The following CARMIL1 variants were observed in gnomAD, a reference collection of about 807,000 sequenced individuals.
CARMIL1 encodes the protein F-actin-uncapping protein LRRC16A.
A neutral mutation model predicts 177.1 loss-of-function variants in CARMIL1; 90 were observed. That is an observed-to-expected ratio of 0.51 (90% CI 0.43 to 0.61). The LOEUF (loss-of-function observed/expected upper bound fraction) is 0.61. Ranked by LOEUF, CARMIL1 falls within the 20% of genes least tolerant of loss-of-function variation. The pLI, the probability that CARMIL1 is intolerant of heterozygous loss-of-function variation, is 0.00. For missense variants in CARMIL1, 1,380 were observed against 1,667.0 expected (o/e 0.83, Z 3.00); for synonymous variants, 577 against 606.2 (o/e 0.95, Z 0.71).
At chr6:25,573,150 G>C (rs4711086) in intron 29 of CARMIL1, among the ~76,000 whole-genome samples, 124,366 of 152,054 alleles carry the variant, frequency 0.82, 51,227 homozygotes, top group East Asian at 0.95. Context: ...CCAAGGGGAG[G>C]AGGATGGGGA....
At chr6:25,493,357 T>A (rs1803406502) in intron 15 of CARMIL1, among the ~76,000 whole-genome samples, 1 of 152,190 alleles carries the variant, frequency 6.6e-6, no homozygotes, top group Non-Finnish European at 1.5e-5. Flanking sequence ...TGCATTTACG[T>A]TGAGGTGTGG....
At chr6:25,318,203 G>C (rs1390520467) in intron 2 of CARMIL1, among the ~76,000 whole-genome samples, 1 of 152,100 alleles carries the variant, frequency 6.6e-6, no homozygotes, top group Non-Finnish European at 1.5e-5. Context: ...GCGCACAGTG[G>C]GTTGGAAGGG....
At chr6:25,590,713 TTTATA>T (rs1308356674) in intron 31 of CARMIL1, among the ~76,000 whole-genome samples, 7 of 152,138 alleles carry the variant, frequency 4.6e-5, no homozygotes, top group African/African-American at 1.4e-4. Context: ...ATTTTGATAA[TTTATA>T]TATTTTTAAG....
At chr6:25,413,059 C>A (rs1028141999) in intron 2 of CARMIL1, among the ~76,000 whole-genome samples, 6 of 152,146 alleles carry the variant, frequency 3.9e-5, no homozygotes, top group African/African-American at 1.4e-4. Context: ...CTTCAGTTTT[C>A]TGGGTGACCT....
chr6:25,335,492 A>G lies in CARMIL1; in HGVS notation c.138+50583A>G, dbSNP rs1306903771. 3.9e-5 allele frequency among the ~76,000 whole-genome samples: 6 copies of G among 152,324 alleles called. No homozygotes were observed. The East Asian group carries it at 1.2e-3, about 29-fold the overall frequency. On this transcript the variant is annotated intron_variant, in intron 2 of 36. Coordinates refer to ENST00000329474, the MANE Select transcript of CARMIL1 (RefSeq NM_017640.6). ...AGATATATTTTCTGTGTATAGTTGT[A>G]CTGTTTTTAATCTCCTTGTGATTTT...
Position 25,554,679 on chromosome 6 carries a change from G to A in CARMIL1, c.2592+583G>A, listed in dbSNP as rs557828052. Among the ~76,000 whole-genome samples, 2 of 152,218 alleles carry A rather than the reference G, an allele frequency of 1.3e-5. No homozygotes were observed. Among genetic ancestry groups the A allele is most frequent in the African/African-American group, 4.8e-5 (2 of 41,524 alleles). On this transcript the variant is annotated intron_variant, in intron 28 of 36. Transcript: ENST00000329474. This position sits in a 1 kb window ranked among gnomAD's most constrained non-coding sequence, Gnocchi z 4.6. ...TGAAAAAATGTATCAGAAACTCAAT[G>A]TTGCGCAAACTTCAGGAAGTTCTCT...
At chr6:25,424,886 T>C (rs1394870534) in intron 3 of CARMIL1, among the ~76,000 whole-genome samples, 1 of 152,196 alleles carries the variant, frequency 6.6e-6, no homozygotes, top group Admixed American at 6.5e-5. Flanking sequence ...GTATGGCTTA[T>C]GCAGAAAGGC....
chr6:25,438,888 G>C (rs1797474190), intron 5 of CARMIL1, among the ~76,000 whole-genome samples: 1 of 151,966 alleles, frequency 6.6e-6, no homozygotes, highest in Non-Finnish European at 1.5e-5. Context: ...GAATGGACTG[G>C]TGGCAGAGCA....
chr6:25,534,175 C>T (rs1225845979), intron 24 of CARMIL1, among the ~76,000 whole-genome samples: 1 of 151,460 alleles, frequency 6.6e-6, no homozygotes, highest in Non-Finnish European at 1.5e-5. Context: ...TATGTGTCTC[C>T]TCCTGCTTTC....
chr6:25,612,803 G>A (rs1444986841), intron 36 of CARMIL1: 1 of 985,142 alleles, frequency 1.0e-6, no homozygotes, highest in Admixed American at 6.1e-5. Flanking sequence ...TCCAGTAGAG[G>A]GAAAAGATCT....
At chr6:25,451,365 A>G (rs1244677278) in intron 8 of CARMIL1, among the ~76,000 whole-genome samples, 1 of 152,182 alleles carries the variant, frequency 6.6e-6, no homozygotes, top group African/African-American at 2.4e-5. Context: ...TTCAAGGATG[A>G]ACTTTAATAC....
rs756572416 is a variant in CARMIL1 at position 25,495,181 on chromosome 6, C to G, written c.1291C>G (p.Leu431Val). The G allele has an allele frequency of 1.9e-6, 3 of 1,612,926 alleles. No homozygotes were observed. Among genetic ancestry groups the G allele is most frequent in the Non-Finnish European group, 2.5e-6 (3 of 1,179,426 alleles). ...SSSLALMHIN[L>V]SGTKLSPEPL... Reference sequence around the variant, plus strand: ...TTCTCTGGCTTTGATGCACATCAACCTTTCAGGCACAAAACTGTCTCCTGA... The same window carrying G: ...TTCTCTGGCTTTGATGCACATCAACGTTTCAGGCACAAAACTGTCTCCTGA... Residue 431 changes from leucine to valine, a missense_variant, in exon 16 of 37, where the codon CTT (leucine) becomes GTT (valine). Transcript: ENST00000329474.
Position 25,520,311 on chromosome 6 carries a change from GA to G in CARMIL1, c.1948del (p.Thr650GlnfsTer8). On this transcript the variant is annotated frameshift_variant, in exon 23 of 37. Transcript: ENST00000329474. LOFTEE classifies it high-confidence loss of function. Reference sequence around the variant, plus strand: ...TTCTCAAGCCCTAAAAACAAACCCTGAAAAAACAGAAGACGCTCTGCAAAAG... The same window carrying G: ...TTCTCAAGCCCTAAAAACAAACCCTGAAAAACAGAAGACGCTCTGCAAAAG... ...DASQALKTNPEKTEDALQKIE... is the reference protein window; with the variant it reads ...DASQALKTNPXKTEDALQKIE... 1 of 1,555,888 alleles carries G rather than the reference GA, an allele frequency of 6.4e-7. No individual in the cohort carries two copies. The highest frequency in any genetic ancestry group is 8.7e-7 in the Non-Finnish European group (1 of 1,147,542).
At chr6:25,441,855 A>G (rs1797810890) in intron 5 of CARMIL1, among the ~76,000 whole-genome samples, 1 of 151,032 alleles carries the variant, frequency 6.6e-6, no homozygotes, top group East Asian at 1.9e-4. Flanking sequence ...CAGCTTTTCT[A>G]CTATCAAGAA....
chr6:25,472,554 G>A (rs890752638), intron 11 of CARMIL1, 33 bp downstream of exon 11: 1 of 1,482,084 alleles, frequency 6.7e-7, no homozygotes, highest in African/African-American at 1.4e-5. Context: ...ATTGATGCCA[G>A]AATTGTAAGA....
chr6:25,520,925 CTT>C (rs1488671469), intron 23 of CARMIL1, among the ~76,000 whole-genome samples: 1 of 152,146 alleles, frequency 6.6e-6, no homozygotes, highest in Non-Finnish European at 1.5e-5. Context: ...TCATCCTTCT[CTT>C]TTTATGGCCA....
intron 2 of CARMIL1, among the ~76,000 whole-genome samples, chr6:25,357,582 T>C (rs1788761710): frequency 6.6e-6 from 1 of 152,090 alleles, no homozygotes; most frequent in Non-Finnish European, 1.5e-5. Context: ...AAATTTTGTG[T>C]CAAAAAGAAA....
Position 25,381,571 on chromosome 6 carries a change from A to G in CARMIL1, c.139-38543A>G, listed in dbSNP as rs575519401. Reference sequence around the variant, plus strand: ...CACTCTTTGGGTTCAGTAATTCTCTATAAAGGCTCACAGAACTCACGAAGT... The same window carrying G: ...CACTCTTTGGGTTCAGTAATTCTCTGTAAAGGCTCACAGAACTCACGAAGT... On this transcript the variant is annotated intron_variant, in intron 2 of 36. Transcript: ENST00000329474. Among the ~76,000 whole-genome samples the G allele has an allele frequency of 4.6e-5, 7 of 152,334 alleles. No homozygotes were observed. The East Asian group carries it at 1.2e-3, about 25-fold the overall frequency.
chr6:25,439,616 C>A (rs1797552387), intron 5 of CARMIL1, among the ~76,000 whole-genome samples: 1 of 152,046 alleles, frequency 6.6e-6, no homozygotes, highest in Non-Finnish European at 1.5e-5. Flanking sequence ...AGAGAGGTGT[C>A]CAGTGTTGGT....
Sources: gnomAD v4.1 joint callset for allele counts (sites outside exome capture counted in the v4.1 genomes callset) on GRCh38, gnomAD v4.1.1 for gene constraint, Gnocchi (gnomAD v3.1) non-coding constraint, MANE v1.5 for transcripts, NCBI Gene and HGNC (gene_info 2026-07-23, HGNC 2026-07-21) for gene names.